LRP3: variants seen among roughly 807,000 people sequenced by gnomAD.
LRP3 encodes the protein LDL receptor related protein 3.
In LRP3, 49 loss-of-function variants were observed where a neutral mutation model predicts 58.5. The observed-to-expected ratio is 0.84, with a 90% CI of 0.67 to 1.06. The LOEUF is 1.06. Ranked by LOEUF, LRP3 falls within the 50% of genes least tolerant of loss-of-function variation. The pLI, the probability that LRP3 is intolerant of heterozygous loss-of-function variation, is 0.00. For synonymous variants in LRP3, 485 were observed against 492.2 expected (o/e 0.99, Z 0.20); for missense variants, 1,019 against 1,134.2 (o/e 0.90, Z 1.46).
In LRP3 at chr19:33,204,635, C is replaced by T. The variant is rs1276449555; in HGVS notation, c.261-3C>T. The T allele has an allele frequency of 6.2e-7, 1 of 1,601,332 alleles. No individual in the cohort carries two copies. The highest frequency in any genetic ancestry group is 2.2e-5 in the East Asian group (1 of 44,756). ...TGTCTGGGTCCTCTCCGCCCCCCCG[C>T]AGCTTCCGCAACTTTGACGTGGAGG... On this transcript the variant is annotated splice_region_variant and splice_polypyrimidine_tract_variant and intron_variant, in intron 3 of 6. Coordinates refer to ENST00000253193, the MANE Select transcript of LRP3 (RefSeq NM_002333.4).
Position 33,208,589 on chromosome 19 carries a change from A to G in LRP3, c.*1014A>G. On this transcript the variant is annotated 3_prime_UTR_variant, in exon 7 of 7. Coordinates refer to ENST00000253193, the MANE Select transcript of LRP3 (RefSeq NM_002333.4). The surrounding 1 kb of genome is among the most constrained non-coding windows in gnomAD (Gnocchi z 4.7). ...CTGCCACGGCATCTTCCTGGCCAGC[A>G]ACATGTGTGCACCCACCGAGGTACG... is the stretch of plus-strand genomic sequence containing the variant. The G allele has an allele frequency of 2.2e-6, 1 of 453,884 alleles. No homozygotes were observed. Among genetic ancestry groups the G allele is most frequent in the Non-Finnish European group, 4.0e-6 (1 of 247,872 alleles). 28.1% of individuals were successfully genotyped at this position (453,884 alleles called of 1,614,324 possible). A position where few individuals can be genotyped will look rare whatever the true frequency, so the allele number is the denominator to read the frequency against.
rs1568379535 is a variant in LRP3 at position 33,194,385 on chromosome 19, GC to G, written c.-400del. Among the ~76,000 whole-genome samples the G allele has an allele frequency of 6.9e-6, 1 of 145,166 alleles. No individual in the cohort carries two copies. Among genetic ancestry groups the G allele is most frequent in the African/African-American group, 2.5e-5 (1 of 40,500 alleles). On this transcript the variant is annotated 5_prime_UTR_variant, in exon 1 of 7. Coordinates refer to ENST00000253193, the MANE Select transcript of LRP3 (RefSeq NM_002333.4). Reference sequence around the variant, plus strand: ...CCCGGCCGGGCGGGCTGGGCGCAGCGCGGGGCGGCCCGGGGACGCCGGGGCC... The same window carrying G: ...CCCGGCCGGGCGGGCTGGGCGCAGCGGGGGCGGCCCGGGGACGCCGGGGCC...
At chr19:33,198,145 A>G (rs766779109) in intron 2 of LRP3, among the ~76,000 whole-genome samples, 3 of 152,096 alleles carry the variant, frequency 2.0e-5, no homozygotes, top group Non-Finnish European at 4.4e-5. Flanking sequence ...GAGCCCCAGG[A>G]CACCCTCCTG....
chr19:33,202,818 C>A (rs766965127), intron 2 of LRP3, 30 bp from the exon 3 acceptor site: 16 of 1,580,496 alleles, frequency 1.0e-5, no homozygotes, highest in African/African-American at 2.7e-5. Context: ...CAAAGATGGG[C>A]CGGCCTTTCT....
Position 33,208,809 on chromosome 19 carries a change from C to G in LRP3, c.*1234C>G, listed in dbSNP as rs953110332. The G allele has an allele frequency of 3.8e-6, 6 of 1,565,716 alleles. No homozygotes were observed. In the East Asian group the frequency reaches 1.4e-4, roughly 36 times the overall value. ...TTTTTCTTTTTTTTCCAGAAAAAAACAAAACAAAACTTTTTTGCCAAAACA... is the reference window on the plus strand; with the variant it reads ...TTTTTCTTTTTTTTCCAGAAAAAAAGAAAACAAAACTTTTTTGCCAAAACA... On this transcript the variant is annotated 3_prime_UTR_variant, in exon 7 of 7. Coordinates refer to ENST00000253193, the MANE Select transcript of LRP3 (RefSeq NM_002333.4). The surrounding 1 kb of genome is among the most constrained non-coding windows in gnomAD (Gnocchi z 4.7).
intron 2 of LRP3, among the ~76,000 whole-genome samples, chr19:33,198,479 T>C (rs1447058349): frequency 2.6e-5 from 4 of 152,148 alleles, no homozygotes; most frequent in Non-Finnish European, 1.5e-5. Context: ...TGGCCCAAGG[T>C]ACCCACCTCC....
At position 33,205,662 on chromosome 19, in the gene LRP3, C is replaced by G; in HGVS notation, c.892C>G (p.Leu298Val). 6.2e-7 allele frequency: 1 copy of G among 1,609,352 alleles called. No homozygotes were observed. Among genetic ancestry groups the G allele is most frequent in the Non-Finnish European group, 8.5e-7 (1 of 1,179,416 alleles). Residue 298 changes from leucine (L) to valine (V), a missense_variant, in exon 5 of 7, where the codon CTG becomes GTG. This residue lies in a region of LRP3 where 592 missense variants were observed against 725.5 expected (regional missense o/e 0.82). Transcript: ENST00000253193. ...GGACTCCCGGCGGGTGCTGCTGCAG[C>G]TGGAACTGCGGCTGGGCTATGACGA... The part of the protein sequence containing the change: ...TQDSRRVLLQ[L>V]ELRLGYDDYV...
At chr19:33,206,885 C>G in intron 6 of LRP3, 103 bp from the exon 7 acceptor site, 2 of 1,213,050 alleles carry the variant, frequency 1.6e-6, no homozygotes, top group Non-Finnish European at 2.2e-6. Flanking sequence ...AAGGTGGTCT[C>G]TCGGGTCTCA....
At chr19:33,199,793 T>G (rs1568381109) in intron 2 of LRP3, among the ~76,000 whole-genome samples, 1 of 152,036 alleles carries the variant, frequency 6.6e-6, no homozygotes, top group Non-Finnish European at 1.5e-5. Context: ...GATGAAGGGG[T>G]CAGACATAGG....
Position 33,194,821 on chromosome 19 carries a change from G to GCCGGGCGC in LRP3, c.45_52dup (p.Gln18ProfsTer11). 1.8e-6 allele frequency: 2 copies of GCCGGGCGC among 1,086,990 alleles called. No homozygotes were observed. The highest frequency in any genetic ancestry group is 2.2e-6 in the Non-Finnish European group (2 of 896,782). 67.3% of individuals were successfully genotyped at this position (1,086,990 alleles called of 1,614,324 possible). A position where few individuals can be genotyped will look rare whatever the true frequency, so the allele number is the denominator to read the frequency against. On this transcript the variant is annotated frameshift_variant, in exon 1 of 7. Transcript: ENST00000253193. LOFTEE classifies it high-confidence loss of function. ...GCGCGGCCGCGGGGCTGGAGGGCGCGCCGGGCGCCCGGGCGCAGCTGGCCG... is the reference window on the plus strand; with the variant it reads ...GCGCGGCCGCGGGGCTGGAGGGCGCGCCGGGCGCCCGGGCGCCCGGGCGCAGCTGGCCG...
chr19:33,207,805 A>G lies in LRP3; in HGVS notation c.*230A>G. ...CCGTCTGCAGGGTCCCATTGTACAC[A>G]AGCACCCTGGGGTCTCACTTCTCTC... is the stretch of plus-strand genomic sequence containing the variant. On this transcript the variant is annotated 3_prime_UTR_variant, in exon 7 of 7. Coordinates refer to ENST00000253193, the MANE Select transcript of LRP3 (RefSeq NM_002333.4). The G allele has an allele frequency of 1.8e-6, 1 of 553,702 alleles. No homozygotes were observed. The highest frequency in any genetic ancestry group is 3.2e-6 in the Non-Finnish European group (1 of 313,752). The allele number at this position is 553,702 out of a possible 1,614,324, so 34.3% of individuals were successfully genotyped here.
intron 2 of LRP3, among the ~76,000 whole-genome samples, chr19:33,198,135 G>T (rs1468258974): frequency 6.6e-6 from 1 of 152,146 alleles, no homozygotes; most frequent in African/African-American, 2.4e-5. Flanking sequence ...TTATGAATGT[G>T]AGCCCCAGGA....
rs757188825 is a variant in LRP3, at chr19:33,205,350, G to A, written c.580G>A (p.Gly194Ser). ...CAACACGGTGGACGAGTGTGGAGAC[G>A]GCTCTGATGAGGGCAACTGCTCGGC... ...QCNTVDECGD[G>S]SDEGNCSAPA... Residue 194 changes from glycine to serine, a missense_variant, in exon 5 of 7, where the codon GGC (glycine) becomes AGC (serine). Transcript: ENST00000253193. The A allele has an allele frequency of 6.2e-6, 10 of 1,608,028 alleles. No homozygotes were observed. Among genetic ancestry groups the A allele is most frequent in the African/African-American group, 5.3e-5 (4 of 74,844 alleles).
intron 2 of LRP3, among the ~76,000 whole-genome samples, chr19:33,202,629 G>T (rs1274909496): frequency 6.6e-6 from 1 of 152,176 alleles, no homozygotes; most frequent in East Asian, 1.9e-4. Flanking sequence ...CATAGGGTTG[G>T]GGGCTACAGC....
At position 33,205,338 on chromosome 19, in the gene LRP3, G is replaced by A. The variant is rs1286329813; in HGVS notation, c.568G>A (p.Glu190Lys). 4 of 1,610,888 alleles carry A rather than the reference G, an allele frequency of 2.5e-6. No homozygotes were observed. The highest frequency in any genetic ancestry group is 1.1e-5 in the South Asian group (1 of 90,778). The change falls in exon 5 of 7, where the codon GAG becomes AAG. Residue 190 changes from glutamate (E) to lysine (K), a missense_variant. By Grantham distance (56) the Glu-to-Lys change is moderately conservative (BLOSUM62 1). Coordinates refer to ENST00000253193, the MANE Select transcript of LRP3 (RefSeq NM_002333.4). ...PGPWQCNTVD[E>K]CGDGSDEGNC... ...CCCGTGGCAGTGCAACACGGTGGAC[G>A]AGTGTGGAGACGGCTCTGATGAGGG...
chr19:33,198,062 G>T (rs149645442), intron 2 of LRP3, among the ~76,000 whole-genome samples: 89 of 152,322 alleles, frequency 5.8e-4, no homozygotes, highest in African/African-American at 2.0e-3. Context: ...GACTGGCCCA[G>T]CCTGGGTCAG....
At position 33,194,692 on chromosome 19, in the gene LRP3, C is replaced by CGAGCCGCAGCCAGAACCAGAGCCG. The variant is rs1974265634; in HGVS notation, c.-80_-79insACCAGAGCCGGAGCCGCAGCCAGA. On this transcript the variant is annotated 5_prime_UTR_variant, in exon 1 of 7. Coordinates refer to ENST00000253193, the MANE Select transcript of LRP3 (RefSeq NM_002333.4). ...CCGAGCCCTAGCCCGAGCCCGAGCCCGAGCCGCAGCCAGAGCCAGAGCCGG... is the reference window on the plus strand; with the variant it reads ...CCGAGCCCTAGCCCGAGCCCGAGCCCGAGCCGCAGCCAGAACCAGAGCCGGAGCCGCAGCCAGAGCCAGAGCCGG... 2 of 298,546 alleles carry CGAGCCGCAGCCAGAACCAGAGCCG rather than the reference C, an allele frequency of 6.7e-6. No individual in the cohort carries two copies. Among genetic ancestry groups the CGAGCCGCAGCCAGAACCAGAGCCG allele is most frequent in the Non-Finnish European group, 9.9e-6 (2 of 203,036 alleles). The allele number at this position is 298,546 out of a possible 1,614,324, so 18.5% of individuals were successfully genotyped here.
chr19:33,196,762 G>A lies in LRP3; in HGVS notation c.106G>A (p.Ala36Thr), dbSNP rs1280281027. The A allele has an allele frequency of 1.2e-6, 2 of 1,614,038 alleles. No homozygotes were observed. Among genetic ancestry groups the A allele is most frequent in the East Asian group, 2.2e-5 (1 of 44,894 alleles). The change falls in exon 2 of 7, where the codon GCG becomes ACG. Residue 36 changes from alanine (A) to threonine (T), a missense_variant. Around this residue, in one of 2 missense-constraint regions of LRP3, gnomAD observed 592 missense variants for 725.5 expected, o/e 0.82. Transcript: ENST00000253193. ...NIFLTGRLSSAVPALAACSGK... is the reference protein window; with the variant it reads ...NIFLTGRLSSTVPALAACSGK... ...CTTTCTCACCGGGAGACTCAGCAGT[G>A]CGGTTCCTGCCTTAGGTAAGTAAGC...
chr19:33,203,875 C>G (rs1171234094), intron 3 of LRP3: 1 of 152,372 alleles, frequency 6.6e-6, no homozygotes, highest in Non-Finnish European at 1.5e-5. Context: ...GGTGCTTGAG[C>G]TGCAGGGACA....
Sources: gnomAD v4.1 joint callset for allele counts (sites outside exome capture counted in the v4.1 genomes callset) on GRCh38, gnomAD v4.1.1 for gene constraint, gnomAD v4.1.1 regional missense constraint, Gnocchi (gnomAD v3.1) non-coding constraint, MANE v1.5 for transcripts, NCBI Gene and HGNC (gene_info 2026-07-23, HGNC 2026-07-21) for gene names.